The following GALNT10 variants were observed in gnomAD, a reference collection of about 807,000 sequenced individuals.
GALNT10 encodes polypeptide N-acetylgalactosaminyltransferase 10.
Under a neutral mutation model 75.0 loss-of-function variants are expected in GALNT10, and 41 were observed. That is an observed-to-expected ratio of 0.55 (90% CI 0.43 to 0.71). The LOEUF (loss-of-function observed/expected upper bound fraction) is 0.71, where lower values mean the gene tolerates loss of function less well. Among genes scored for constraint, GALNT10 ranks in the 30% least tolerant of loss-of-function variants. The pLI, the probability that GALNT10 is intolerant of heterozygous loss-of-function variation, is 0.00. For synonymous variants in GALNT10, 302 were observed against 313.0 expected (o/e 0.96, Z 0.37); for missense variants, 727 against 818.5 (o/e 0.89, Z 1.36).
At chr5:154,396,671 G>A (rs1756024805) in intron 7 of GALNT10, among the ~76,000 whole-genome samples, 1 of 152,162 alleles carries the variant, frequency 6.6e-6, no homozygotes, top group African/African-American at 2.4e-5. Flanking sequence ...CTGGGTTGCT[G>A]TGAGATTGCT....
At chr5:154,389,107 G>C (rs1445445704) in intron 7 of GALNT10, 2 of 151,944 alleles carry the variant, frequency 1.3e-5, no homozygotes, top group Non-Finnish European at 2.9e-5. Context: ...AGTAGTCAGT[G>C]GGGGAGGGAT....
intron 6 of GALNT10, 41 bp from the exon 7 acceptor site, chr5:154,386,272 G>A: frequency 7.1e-7 from 1 of 1,415,436 alleles, no homozygotes; most frequent in African/African-American, 1.4e-5. Context: ...CATGTGGCCA[G>A]GACATCTGCA....
At chr5:154,225,684 G>T (rs1361652026) in intron 1 of GALNT10, among the ~76,000 whole-genome samples, 1 of 78,086 alleles carries the variant, frequency 1.3e-5, no homozygotes, top group Non-Finnish European at 3.4e-5. Context: ...GATTACAGGT[G>T]TGAGCCACTA....
At chr5:154,277,896 T>C (rs1753975386) in intron 1 of GALNT10, among the ~76,000 whole-genome samples, 1 of 152,216 alleles carries the variant, frequency 6.6e-6, no homozygotes, top group South Asian at 2.1e-4. Context: ...GTAGCAGTTT[T>C]TGAAATGAAA....
chr5:154,211,351 C>T (rs1490334761), intron 1 of GALNT10, among the ~76,000 whole-genome samples: 1 of 152,200 alleles, frequency 6.6e-6, no homozygotes, highest in Non-Finnish European at 1.5e-5. Context: ...TTTCCCCTCT[C>T]TTTTTCCCTT....
intron 1 of GALNT10, 123 bp downstream of exon 1, chr5:154,191,148 C>T: frequency 1.5e-6 from 1 of 652,724 alleles, no homozygotes; most frequent in Non-Finnish European, 2.2e-6. Flanking sequence ...CTCTTCAGCT[C>T]TTCCCATTTT....
chr5:154,398,168 A>G (rs12659707), intron 7 of GALNT10, among the ~76,000 whole-genome samples: 33,295 of 152,212 alleles, frequency 0.22, 3,917 homozygotes, highest in South Asian at 0.27. Context: ...GAAACAAGCT[A>G]GCAGGATATG....
chr5:154,356,695 C>T (rs942235419), intron 4 of GALNT10, among the ~76,000 whole-genome samples: 1 of 152,216 alleles, frequency 6.6e-6, no homozygotes, highest in Admixed American at 6.5e-5. Flanking sequence ...CTGGGCTGCA[C>T]TCCAGGGCTC....
intron 4 of GALNT10, among the ~76,000 whole-genome samples, chr5:154,367,413 A>G (rs1405686376): frequency 1.3e-5 from 2 of 152,176 alleles, no homozygotes; most frequent in African/African-American, 4.8e-5. Context: ...GAGGACGGAA[A>G]CAGAGCAGCC....
intron 1 of GALNT10, among the ~76,000 whole-genome samples, chr5:154,266,476 T>C (rs1339343483): frequency 1.3e-5 from 2 of 152,026 alleles, no homozygotes; most frequent in Non-Finnish European, 2.9e-5. Context: ...ATGAACCCTT[T>C]ACCTAGTTTC....
chr5:154,284,626 G>A (rs1312497194), intron 1 of GALNT10, among the ~76,000 whole-genome samples: 1 of 152,146 alleles, frequency 6.6e-6, no homozygotes, highest in Admixed American at 6.6e-5. Flanking sequence ...CTTTCTAGGG[G>A]CTTTCCTGTG....
chr5:154,345,784 C>A (rs1347297170), intron 4 of GALNT10, among the ~76,000 whole-genome samples: 1 of 149,288 alleles, frequency 6.7e-6, no homozygotes. Context: ...TACAGGCCTG[C>A]ACCACTACAC....
At chr5:154,224,717 G>A (rs908968426) in intron 1 of GALNT10, among the ~76,000 whole-genome samples, 1 of 151,574 alleles carries the variant, frequency 6.6e-6, no homozygotes, top group Non-Finnish European at 1.5e-5. Flanking sequence ...CAGACATTGT[G>A]GTAGATACTG....
chr5:154,243,631 C>A (rs952542392), intron 1 of GALNT10, among the ~76,000 whole-genome samples: 1 of 152,160 alleles, frequency 6.6e-6, no homozygotes, highest in African/African-American at 2.4e-5. Flanking sequence ...AATAATAGTT[C>A]TTTCTCATGT....
intron 1 of GALNT10, chr5:154,287,645 G>C (rs1055709161): frequency 1.3e-5 from 2 of 152,148 alleles, no homozygotes; most frequent in Non-Finnish European, 2.9e-5. Flanking sequence ...ATAGCTGTTT[G>C]TGGAGGCCAT....
chr5:154,301,842 CTCCT>C (rs1754364835), intron 3 of GALNT10, among the ~76,000 whole-genome samples: 1 of 152,210 alleles, frequency 6.6e-6, no homozygotes, highest in South Asian at 2.1e-4. Context: ...AGCTGTGGAA[CTCCT>C]GTTCCAGGTG....
At chr5:154,370,049 G>T (rs538027631) in intron 4 of GALNT10, among the ~76,000 whole-genome samples, 1 of 152,390 alleles carries the variant, frequency 6.6e-6, no homozygotes, top group Admixed American at 6.5e-5. Flanking sequence ...TGATTACACA[G>T]AGTAGTGAAG....
chr5:154,377,346 C>A (rs1409462286), intron 5 of GALNT10, among the ~76,000 whole-genome samples: 1 of 152,192 alleles, frequency 6.6e-6, no homozygotes, highest in Non-Finnish European at 1.5e-5. Flanking sequence ...GAAGAGTCAT[C>A]ATTCTGGAGA....
At chr5:154,217,525 G>A (rs1408198346) in intron 1 of GALNT10, among the ~76,000 whole-genome samples, 1 of 152,162 alleles carries the variant, frequency 6.6e-6, no homozygotes, top group Non-Finnish European at 1.5e-5. Context: ...CTTTAGTACC[G>A]CGTCCCTGTC....
Sources: gnomAD v4.1 joint callset for allele counts (sites outside exome capture counted in the v4.1 genomes callset) on GRCh38, gnomAD v4.1.1 for gene constraint, MANE v1.5 for transcripts, NCBI Gene and HGNC (gene_info 2026-07-23, HGNC 2026-07-21) for gene names.